Variants in CDK7 observed in about 807,000 individuals in gnomAD.
The protein encoded by CDK7 is cyclin-dependent kinase 7.
Under a neutral mutation model 49.1 loss-of-function variants are expected in CDK7, and 25 were observed. The ratio of observed to expected loss-of-function variants is 0.51; its 90% CI spans 0.37 to 0.71. CDK7 has a LOEUF of 0.71. Ranked by LOEUF, CDK7 falls within the 30% of genes least tolerant of loss-of-function variation. The pLI, the probability that CDK7 is intolerant of heterozygous loss-of-function variation, is 0.00. For synonymous variants in CDK7, 107 were observed against 140.0 expected, an observed-to-expected ratio of 0.76 and a Z score of 1.67; for missense variants, 316 against 411.7, an observed-to-expected ratio of 0.77 and a Z score of 2.01.
At chr5:69,235,125 C>T (rs1748864681) in intron 1 of CDK7, 84 bp downstream of exon 1, 2 of 1,337,206 alleles carry the variant, frequency 1.5e-6, no homozygotes, top group Non-Finnish European at 2.1e-6. Flanking sequence ...CCGTGGAGGC[C>T]AGAGGTCTGG....
chr5:69,253,555 C>T (rs753085278), intron 3 of CDK7, among the ~76,000 whole-genome samples: 2 of 152,050 alleles, frequency 1.3e-5, no homozygotes, highest in East Asian at 1.9e-4. Context: ...CCACCGCGCC[C>T]GGCCTGTATC....
chr5:69,246,743 A>C (rs1470312589), intron 2 of CDK7, among the ~76,000 whole-genome samples: 1 of 149,370 alleles, frequency 6.7e-6, no homozygotes, highest in South Asian at 2.1e-4. Context: ...ACAGCTATAA[A>C]CTTCCCTCTG....
intron 2 of CDK7, among the ~76,000 whole-genome samples, chr5:69,236,593 CCTGA>C (rs1001348524): frequency 1.1e-3 from 171 of 152,226 alleles, no homozygotes; most frequent in African/African-American, 3.7e-3. Flanking sequence ...TCATTTAAAA[CCTGA>C]CTGACTACTT....
At chr5:69,258,505 C>T (rs1023955011) in intron 6 of CDK7, among the ~76,000 whole-genome samples, 1 of 151,702 alleles carries the variant, frequency 6.6e-6, no homozygotes, top group Non-Finnish European at 1.5e-5. Flanking sequence ...CTCAGCCTCC[C>T]GAGTAGCTGG....
rs1350691461 is a variant in CDK7 at position 69,272,293 on chromosome 5, A to G, written c.715-599A>G. Among the ~76,000 whole-genome samples, 7 of 152,196 alleles carry G rather than the reference A, an allele frequency of 4.6e-5. No individual in the cohort carries two copies. In the South Asian group the frequency reaches 1.0e-3, roughly 22 times the overall value. ...ACAGAGTCTTAATCAAAGTAGCTAT[A>G]TGTTAAATCTTGAAATCAGGTAAAA... On this transcript the variant is annotated intron_variant, in intron 9 of 11. Transcript: ENST00000256443.
At chr5:69,257,261 G>T (rs1177024750) in intron 5 of CDK7, among the ~76,000 whole-genome samples, 1 of 152,112 alleles carries the variant, frequency 6.6e-6, no homozygotes, top group Non-Finnish European at 1.5e-5. Context: ...GTGGTTACAT[G>T]ACTGGATGCA....
chr5:69,242,950 CAGG>C (rs1749487783), intron 2 of CDK7, among the ~76,000 whole-genome samples: 1 of 152,104 alleles, frequency 6.6e-6, no homozygotes, highest in African/African-American at 2.4e-5. Context: ...CAGGCTGAGG[CAGG>C]AGAATTGCTT....
intron 9 of CDK7, among the ~76,000 whole-genome samples, chr5:69,271,800 CT>C (rs1451782631): frequency 6.6e-6 from 1 of 152,140 alleles, no homozygotes; most frequent in Admixed American, 6.5e-5. Flanking sequence ...GCATGAGCCA[CT>C]ATGCCCTTGG....
At chr5:69,237,682 G>GGCTC (rs1456274428) in intron 2 of CDK7, among the ~76,000 whole-genome samples, 1 of 152,146 alleles carries the variant, frequency 6.6e-6, no homozygotes, top group Admixed American at 6.6e-5. Flanking sequence ...TGGGCGCGGT[G>GGCTC]GCTCATGTTT....
chr5:69,248,483 G>T (rs1749902699), intron 2 of CDK7, among the ~76,000 whole-genome samples: 2 of 152,014 alleles, frequency 1.3e-5, no homozygotes, highest in South Asian at 2.1e-4. Flanking sequence ...CTCCTCCCGG[G>T]TTCAAGCGAT....
intron 7 of CDK7, 52 bp downstream of exon 7, chr5:69,259,988 C>A: frequency 1.9e-6 from 2 of 1,078,066 alleles, no homozygotes; most frequent in Non-Finnish European, 2.9e-6. Flanking sequence ...AAATGAGCAT[C>A]AACTGGCTTC....
chr5:69,269,770 G>C (rs920859766), intron 9 of CDK7, among the ~76,000 whole-genome samples: 1 of 150,544 alleles, frequency 6.6e-6, no homozygotes, highest in African/African-American at 2.4e-5. Context: ...TTTTTTAATA[G>C]AGATGGGGTT....
chr5:69,245,962 G>A (rs1199416408), intron 2 of CDK7, among the ~76,000 whole-genome samples: 1 of 152,088 alleles, frequency 6.6e-6, no homozygotes, highest in Non-Finnish European at 1.5e-5. Flanking sequence ...TCTAAAGGTT[G>A]GGTAAGTTTT....
At chr5:69,252,392 T>A in intron 2 of CDK7, 26 bp from the exon 3 acceptor site, 1 of 1,390,270 alleles carries the variant, frequency 7.2e-7, no homozygotes, top group Non-Finnish European at 1.0e-6. Flanking sequence ...TTTTAATATA[T>A]TTGGGTTTTT....
intron 2 of CDK7, among the ~76,000 whole-genome samples, chr5:69,235,687 A>G (rs928034159): frequency 1.3e-5 from 2 of 152,222 alleles, no homozygotes; most frequent in Admixed American, 1.3e-4. Context: ...TACTGCATAA[A>G]TTCATATGTT....
chr5:69,268,744 T>C (rs1336437737), intron 8 of CDK7, among the ~76,000 whole-genome samples: 1 of 149,822 alleles, frequency 6.7e-6, no homozygotes, highest in Non-Finnish European at 1.5e-5. Flanking sequence ...TCCCAGCTAC[T>C]CTGGAGGCTG....
intron 2 of CDK7, among the ~76,000 whole-genome samples, chr5:69,246,499 A>G (rs919991516): frequency 3.9e-5 from 6 of 152,164 alleles, no homozygotes; most frequent in Admixed American, 1.3e-4. Context: ...GAGAGATCCA[A>G]GTGGGCAACT....
intron 2 of CDK7, among the ~76,000 whole-genome samples, chr5:69,240,217 T>G (rs1410764109): frequency 1.3e-5 from 2 of 152,216 alleles, no homozygotes; most frequent in Non-Finnish European, 2.9e-5. Context: ...TACAGTGACT[T>G]TAAGAAGTCT....
chr5:69,238,690 T>G lies in CDK7; in HGVS notation c.126+3237T>G, dbSNP rs1326421815. Among the ~76,000 whole-genome samples the G allele has an allele frequency of 2.0e-5, 3 of 150,508 alleles. No individual in the cohort carries two copies. In the Admixed American group the frequency reaches 2.0e-4, roughly 10 times the overall value. Reference sequence around the variant, plus strand: ...TTTTTTTTTTGAGACAAGGTCCCACTCTGTCGCACAGGCTGGAGTGCAGTG... The same window carrying G: ...TTTTTTTTTTGAGACAAGGTCCCACGCTGTCGCACAGGCTGGAGTGCAGTG... On this transcript the variant is annotated intron_variant, in intron 2 of 11. Transcript: ENST00000256443.
Sources: allele counts gnomAD v4.1 joint callset (sites outside exome capture counted in the v4.1 genomes callset), GRCh38; gene constraint gnomAD v4.1.1; transcripts MANE v1.5; gene names NCBI Gene and HGNC (gene_info 2026-07-23, HGNC 2026-07-21).